The following SPTA1 variants were observed in gnomAD, a reference collection of about 807,000 sequenced individuals.
The protein encoded by SPTA1 is spectrin alpha chain, erythrocytic 1.
A neutral mutation model predicts 324.7 loss-of-function variants in SPTA1; 177 were observed. The ratio of observed to expected loss-of-function variants is 0.55; its 90% CI spans 0.48 to 0.62. The LOEUF (loss-of-function observed/expected upper bound fraction) is 0.62. SPTA1 is among the 20% of genes least tolerant of loss of function. The probability of loss-of-function intolerance (pLI) is 0.00; values close to 1 mark genes in which losing one functional copy is unlikely to be tolerated. For missense variants in SPTA1, 3,162 were observed against 2,883.6 expected (o/e 1.10, Z -2.21); for synonymous variants, 1,195 against 1,041.3 (o/e 1.15, Z -2.84).
At chr1:158,654,574 G>A (rs1488849920) in intron 21 of SPTA1, 37 bp downstream of exon 21, 3 of 1,613,572 alleles carry the variant, frequency 1.9e-6, no homozygotes, top group South Asian at 2.2e-5. Flanking sequence ...TTCTGAAAGA[G>A]CCACTTTTTG....
rs766660374 is a variant in SPTA1 at position 158,651,381 on chromosome 1, C to T, written c.3463G>A (p.Ala1155Thr). Residue 1155 changes from alanine to threonine, a missense_variant, in exon 24 of 52, where the codon GCT becomes ACT. Physicochemically the swap from Ala to Thr is moderately conservative, Grantham distance 58. Coordinates refer to ENST00000643759, the MANE Select transcript of SPTA1 (RefSeq NM_003126.4). ...GCCTTAGTTACCTGCCGGATTTGAG[C>T]TCCTTCTGGTGTTAGAAGTCCTTCA... ...LFEGLLTPEG[A>T]QIRQELNSRW... is the part of the protein sequence containing the mutation. The T allele has an allele frequency of 2.5e-6, 4 of 1,613,494 alleles. No homozygotes were observed. In the South Asian group the frequency reaches 3.3e-5, roughly 13 times the overall value.
chr1:158,616,652 T>TG (rs1443536611), intron 47 of SPTA1, among the ~76,000 whole-genome samples: 1 of 152,240 alleles, frequency 6.6e-6, no homozygotes, highest in African/African-American at 2.4e-5. Flanking sequence ...AATCCATTGA[T>TG]GAGCAGTTAG....
In SPTA1 at chr1:158,660,260, C is replaced by T. The variant is rs538213760; in HGVS notation, c.2587+1027G>A. Among the ~76,000 whole-genome samples the T allele has an allele frequency of 2.6e-5, 4 of 152,144 alleles. No individual in the cohort carries two copies. In the South Asian group the frequency reaches 8.3e-4, roughly 32 times the overall value. ...CAGATTGAATAGAATAAAAACAAGG[C>T]CTGATTATATGCTATTTATAAGAAT... On this transcript the variant is annotated intron_variant, in intron 18 of 51. Coordinates refer to ENST00000643759, the MANE Select transcript of SPTA1 (RefSeq NM_003126.4).
intron 4 of SPTA1, 106 bp from the exon 5 acceptor site, chr1:158,680,835 T>C: frequency 6.9e-7 from 1 of 1,455,236 alleles, no homozygotes; most frequent in South Asian, 1.2e-5. Context: ...CAAATGGAGA[T>C]ACTGGGGGAG....
At chr1:158,636,163 G>C (rs1482553015) in intron 37 of SPTA1, 129 bp from the exon 38 acceptor site, 1 of 1,492,688 alleles carries the variant, frequency 6.7e-7, no homozygotes, top group South Asian at 1.1e-5. Context: ...ACTTTGTGAG[G>C]GTCCTGAAAG....
intron 39 of SPTA1, among the ~76,000 whole-genome samples, chr1:158,628,853 T>C (rs1454059348): frequency 6.6e-6 from 1 of 152,054 alleles, no homozygotes; most frequent in East Asian, 1.9e-4. Context: ...GATAAATTCC[T>C]AGAAACAGAC....
chr1:158,617,731 T>C, intron 46 of SPTA1, 143 bp from the exon 47 acceptor site: 1 of 841,234 alleles, frequency 1.2e-6, no homozygotes, highest in Non-Finnish European at 2.0e-6. Context: ...AGCCAAATTT[T>C]CACAACCTTG....
At chr1:158,618,109 T>G (rs1467900944) in intron 45 of SPTA1, 53 bp from the exon 46 acceptor site, 1 of 1,533,376 alleles carries the variant, frequency 6.5e-7, no homozygotes, top group Non-Finnish European at 9.0e-7. Flanking sequence ...GGAGATGATA[T>G]GTTAAAATGG....
chr1:158,669,192 AG>A (rs1221953746), intron 14 of SPTA1, among the ~76,000 whole-genome samples: 9 of 152,312 alleles, frequency 5.9e-5, no homozygotes, highest in African/African-American at 2.2e-4. Flanking sequence ...AAAGAGGTGA[AG>A]AACATCAGAA....
At chr1:158,633,577 C>T (rs547523788) in intron 39 of SPTA1, among the ~76,000 whole-genome samples, 1 of 148,764 alleles carries the variant, frequency 6.7e-6, no homozygotes, top group East Asian at 2.0e-4. Flanking sequence ...AGGAGAATGG[C>T]ATGAACCCGG....
chr1:158,637,233 C>A (rs1651150786), intron 36 of SPTA1, among the ~76,000 whole-genome samples: 1 of 152,184 alleles, frequency 6.6e-6, no homozygotes, highest in African/African-American at 2.4e-5. Context: ...AAGGTTTGAG[C>A]ATCACCACGA....
At position 158,654,744 on chromosome 1, in the gene SPTA1, T is replaced by G. The variant is rs999276087; in HGVS notation, c.2903A>C (p.Gln968Pro). 1.2e-5 allele frequency: 20 copies of G among 1,613,480 alleles called. 1 individual carries two copies. Among genetic ancestry groups the G allele is most frequent in the Admixed American group, 5.0e-5 (3 of 59,972 alleles). ...AACTCCCTCCACTGGTGCAGCCTGT[T>G]GTTGCTGAATAAAAACAGGAAGCAG... ...LRNQANACQQ[Q>P]QAAPVEGVAG... is the part of the protein sequence containing the mutation. Residue 968 changes from glutamine to proline, a missense_variant, in exon 21 of 52, where the codon CAA becomes CCA. Transcript: ENST00000643759.
rs1649765245 is a variant in SPTA1 at position 158,619,351 on chromosome 1, C to T, written c.6418-17G>A. On this transcript the variant is annotated splice_polypyrimidine_tract_variant and intron_variant, in intron 44 of 51. Transcript: ENST00000643759. ...CTCCCGTTCCTAAAACCCCAAATCA[C>T]AGACAACGTGACTGACATCGAAGGC... The T allele has an allele frequency of 6.2e-7, 1 of 1,613,092 alleles. No individual in the cohort carries two copies. Among genetic ancestry groups the T allele is most frequent in the Non-Finnish European group, 8.5e-7 (1 of 1,179,068 alleles).
intron 15 of SPTA1, 28 bp from the exon 16 acceptor site, chr1:158,666,525 T>G (rs757245882): frequency 1.4e-5 from 22 of 1,591,120 alleles, no homozygotes; most frequent in Non-Finnish European, 8.5e-7. Flanking sequence ...GTAGAAGACA[T>G]TAGGTACCAT....
In SPTA1 at chr1:158,666,349, G is replaced by A. The variant is rs780083079; in HGVS notation, c.2187C>T (p.His729=). 10 of 1,613,708 alleles carry A rather than the reference G, an allele frequency of 6.2e-6. No homozygotes were observed. Among genetic ancestry groups the A allele is most frequent in the East Asian group, 2.2e-5 (1 of 44,860 alleles). Residue 729 remains histidine, a synonymous_variant, in exon 16 of 52, where the codon CAC becomes CAT. Coordinates refer to ENST00000643759, the MANE Select transcript of SPTA1 (RefSeq NM_003126.4). ...CAGCCACAGCCGACTCCAGGAGGCC[G>A]TGTTTCCTGAGTCGATTCTGTACCT... ...LAEVQNRLRK[H]GLLESAVAAR...
rs749884084 is a variant in SPTA1, at chr1:158,669,454, T to G, written c.1787A>C (p.Asn596Thr). The G allele has an allele frequency of 5.0e-6, 8 of 1,614,152 alleles. No homozygotes were observed. Among genetic ancestry groups the G allele is most frequent in the Admixed American group, 1.7e-5 (1 of 60,030 alleles). The change falls in exon 14 of 52, where the codon AAC becomes ACC. Residue 596 changes from asparagine to threonine, a missense_variant. By Grantham distance (65) the Asn-to-Thr change is moderately conservative (BLOSUM62 0). Transcript: ENST00000643759. Reference sequence around the variant, plus strand: ...CAACTTTTTCTTCTTGTTGATCCAGTTCTTTAGGTCATCTGAGTCCTCATA... The same window carrying G: ...CAACTTTTTCTTCTTGTTGATCCAGGTCTTTAGGTCATCTGAGTCCTCATA... ...KLYEDSDDLK[N>T]WINKKKKLAD...
chr1:158,637,978 G>C, intron 36 of SPTA1, 55 bp downstream of exon 36: 1 of 1,576,296 alleles, frequency 6.3e-7, no homozygotes, highest in Non-Finnish European at 8.7e-7. Flanking sequence ...AACAAGTTTG[G>C]TGGATTATCT....
At chr1:158,679,272 C>G (rs553388597) in intron 5 of SPTA1, among the ~76,000 whole-genome samples, 17 of 152,216 alleles carry the variant, frequency 1.1e-4, no homozygotes, top group African/African-American at 3.9e-4. Context: ...GTAGGCCCCA[C>G]TCGAGAGCAC....
chr1:158,653,480 G>A (rs1431980178), intron 21 of SPTA1, 55 bp from the exon 22 acceptor site: 3 of 1,608,730 alleles, frequency 1.9e-6, no homozygotes, highest in East Asian at 2.2e-5. Context: ...AGCAACAAAC[G>A]GGAGAGACTT....
Sources: allele counts gnomAD v4.1 joint callset (sites outside exome capture counted in the v4.1 genomes callset), GRCh38; gene constraint gnomAD v4.1.1; transcripts MANE v1.5; gene names NCBI Gene and HGNC (gene_info 2026-07-23, HGNC 2026-07-21).